The following FAM193A variants were observed in gnomAD, a reference collection of about 807,000 sequenced individuals.
FAM193A encodes the protein family with sequence similarity 193 member A.
A neutral mutation model predicts 126.5 loss-of-function variants in FAM193A; 22 were observed. The observed-to-expected ratio is 0.17, with a 90% confidence interval of 0.12 to 0.25. FAM193A has a LOEUF of 0.25. FAM193A is among the 10% of genes least tolerant of loss of function. The pLI is 1.00. For missense variants in FAM193A, 1,675 were observed against 1,672.8 expected (o/e 1.00, Z -0.02); for synonymous variants, 761 against 646.8 (o/e 1.18, Z -2.68).
rs147408657 is a variant in FAM193A, at chr4:2,639,927, C to T, written c.1163+68C>T. On this transcript the variant is annotated intron_variant, in intron 6 of 20. Transcript: ENST00000637812. Reference sequence around the variant, plus strand: ...ACAGTCTTTTCTCCTGACTGGTGTGCGTGTACCCGAGTACCACTGAGTATG... The same window carrying T: ...ACAGTCTTTTCTCCTGACTGGTGTGTGTGTACCCGAGTACCACTGAGTATG... 288 of 1,481,150 alleles carry T rather than the reference C, an allele frequency of 1.9e-4. No individual in the cohort carries two copies. The East Asian group carries it at 4.8e-3, about 25-fold the overall frequency. The allele number at this position is 1,481,150 out of a possible 1,614,324, so 91.8% of individuals were successfully genotyped here. A position where few individuals can be genotyped will look rare whatever the true frequency, so the allele number is the denominator to read the frequency against.
intron 18 of FAM193A, among the ~76,000 whole-genome samples, chr4:2,698,055 G>A (rs960411183): frequency 3.3e-5 from 5 of 152,186 alleles, no homozygotes; most frequent in Admixed American, 6.5e-5. Context: ...CCACCTCGAG[G>A]GACCACCTCC....
intron 2 of FAM193A, among the ~76,000 whole-genome samples, chr4:2,619,294 T>C (rs1355885961): frequency 6.6e-6 from 1 of 151,956 alleles, no homozygotes; most frequent in Non-Finnish European, 1.5e-5. Context: ...GGGAGATCTG[T>C]TTCTTTTTTT....
intron 19 of FAM193A, among the ~76,000 whole-genome samples, chr4:2,709,787 A>C (rs916384158): frequency 1.3e-5 from 2 of 152,162 alleles, no homozygotes; most frequent in African/African-American, 4.8e-5. Flanking sequence ...TCACATTGGG[A>C]CCATCCAGGC....
chr4:2,625,920 C>T (rs1742918883), intron 3 of FAM193A, among the ~76,000 whole-genome samples: 1 of 151,944 alleles, frequency 6.6e-6, no homozygotes, highest in Admixed American at 6.6e-5. Context: ...GATGGGGCTT[C>T]GCCATGTTGC....
Position 2,689,689 on chromosome 4 carries a change from C to G in FAM193A, c.2515C>G (p.Pro839Ala). ...DKNWNPGTFL[P>A]DTISGSEILG... ...GAACTGGAATCCTGGCACTTTCTTG[C>G]CAGATACAATTTCTGGTAAGGAATT... Residue 839 changes from proline (P) to alanine (A), a missense_variant, in exon 14 of 21, where the codon CCA (proline) becomes GCA (alanine). By Grantham distance (27) the Pro-to-Ala change is conservative (BLOSUM62 -1). Around this residue, in one of 4 missense-constraint regions of FAM193A, gnomAD observed 1,186 missense variants for 1,109.2 expected, o/e 1.07. Coordinates refer to ENST00000637812, the MANE Select transcript of FAM193A (RefSeq NM_001366318.2). The G allele has an allele frequency of 4.5e-6, 7 of 1,568,632 alleles. No homozygotes were observed. Among genetic ancestry groups the G allele is most frequent in the South Asian group, 2.4e-5 (2 of 82,648 alleles).
chr4:2,704,422 G>A (rs558251273), intron 19 of FAM193A, among the ~76,000 whole-genome samples: 42 of 151,928 alleles, frequency 2.8e-4, no homozygotes, highest in Admixed American at 1.6e-3. Context: ...AAAATTAGTC[G>A]GGTGTGGTGG....
intron 1 of FAM193A, among the ~76,000 whole-genome samples, chr4:2,542,933 C>CA (rs1737320103): frequency 6.6e-6 from 1 of 152,052 alleles, no homozygotes; most frequent in Admixed American, 6.6e-5. Context: ...GTAGCTTCAA[C>CA]AAAGGAGGAG....
Position 2,672,236 on chromosome 4 carries a change from C to G in FAM193A, c.2195C>G (p.Pro732Arg), listed in dbSNP as rs146511820. The G allele has an allele frequency of 6.2e-7, 1 of 1,614,210 alleles. No homozygotes were observed. Among genetic ancestry groups the G allele is most frequent in the Non-Finnish European group, 8.5e-7 (1 of 1,180,048 alleles). The change falls in exon 13 of 21, where the codon CCA becomes CGA. Residue 732 changes from proline (P) to arginine (R), a missense_variant. By Grantham distance (103) the Pro-to-Arg change is moderately radical. This residue lies in a region of FAM193A where 1,186 missense variants were observed against 1,109.2 expected (regional missense o/e 1.07). Coordinates refer to ENST00000637812, the MANE Select transcript of FAM193A (RefSeq NM_001366318.2). The part of the protein sequence containing the change: ...ALPPGHQFLS[P>R]EKPTHPALHL... The stretch of plus-strand genomic sequence containing the variant: ...CCTCCTGGCCATCAGTTCTTGAGCC[C>G]AGAGAAGCCCACACACCCTGCACTG...
At chr4:2,682,162 A>G (rs887642973) in intron 13 of FAM193A, among the ~76,000 whole-genome samples, 6 of 150,898 alleles carry the variant, frequency 4.0e-5, no homozygotes, top group Non-Finnish European at 8.9e-5. Context: ...TTTTTTGTAT[A>G]TTTAGTAAAG....
chr4:2,660,002 A>G lies in FAM193A; in HGVS notation c.1693A>G (p.Ile565Val), dbSNP rs1480116273. The part of the protein sequence containing the change: ...SGSGSSSPIT[I>V]QQHPRLILTD... ...GTCCGGCTCCAGCTCTCCCATCACA[A>G]TTCAGCAGCACCCCAGGCTCATCCT... The change falls in exon 10 of 21, where the codon ATT (isoleucine) becomes GTT (valine). Residue 565 changes from isoleucine (I) to valine (V), a missense_variant. Ile to Val is a conservative substitution (Grantham distance 29). Transcript: ENST00000637812. 3.7e-6 allele frequency: 6 copies of G among 1,613,984 alleles called. No individual in the cohort carries two copies. Among genetic ancestry groups the G allele is most frequent in the Non-Finnish European group, 5.1e-6 (6 of 1,180,032 alleles).
At chr4:2,690,253 A>G (rs1326428455) in intron 14 of FAM193A, among the ~76,000 whole-genome samples, 1 of 151,400 alleles carries the variant, frequency 6.6e-6, no homozygotes, top group Admixed American at 6.6e-5. Context: ...GCTGGTACCT[A>G]CTCCTCATCT....
intron 1 of FAM193A, among the ~76,000 whole-genome samples, chr4:2,541,247 G>T (rs1212287599): frequency 1.3e-5 from 2 of 151,686 alleles, no homozygotes; most frequent in Non-Finnish European, 2.9e-5. Context: ...CAGGAGAATT[G>T]CTTGAACCTG....
intron 2 of FAM193A, among the ~76,000 whole-genome samples, chr4:2,607,681 G>C (rs895681055): frequency 1.3e-5 from 2 of 152,168 alleles, no homozygotes. Context: ...AATTATCAAT[G>C]ATATGTTCAG....
chr4:2,608,843 T>G (rs193185803), intron 2 of FAM193A, among the ~76,000 whole-genome samples: 24 of 152,148 alleles, frequency 1.6e-4, no homozygotes, highest in African/African-American at 5.5e-4. Flanking sequence ...TGGTTTCAGC[T>G]AATCATCGAT....
intron 16 of FAM193A, among the ~76,000 whole-genome samples, chr4:2,694,405 A>G (rs530060797): frequency 6.6e-6 from 1 of 151,962 alleles, no homozygotes; most frequent in Admixed American, 6.6e-5. Context: ...AAGTAGTGAG[A>G]CTACAGGCAT....
At chr4:2,582,821 C>G (rs1232113770) in intron 1 of FAM193A, among the ~76,000 whole-genome samples, 3 of 151,988 alleles carry the variant, frequency 2.0e-5, no homozygotes, top group Non-Finnish European at 4.4e-5. Flanking sequence ...CTTAAGTCTT[C>G]TTTCTTTGTT....
chr4:2,603,623 AT>A (rs1011975912), intron 2 of FAM193A, among the ~76,000 whole-genome samples: 4 of 145,904 alleles, frequency 2.7e-5, no homozygotes, highest in Admixed American at 6.8e-5. Flanking sequence ...CGCCTGACTA[AT>A]TTTTTTTTGT....
intron 2 of FAM193A, among the ~76,000 whole-genome samples, chr4:2,599,315 C>A: frequency 6.6e-6 from 1 of 152,004 alleles, no homozygotes; most frequent in Non-Finnish European, 1.5e-5. Context: ...GGAGGGGCTG[C>A]TGCACTTTGT....
chr4:2,588,142 C>G (rs1201144051), intron 1 of FAM193A, among the ~76,000 whole-genome samples: 3 of 152,180 alleles, frequency 2.0e-5, no homozygotes, highest in African/African-American at 7.2e-5. Context: ...GAGTCCATGT[C>G]CCTGTTCTTC....
Sources: gnomAD v4.1 joint callset for allele counts (sites outside exome capture counted in the v4.1 genomes callset) on GRCh38, gnomAD v4.1.1 for gene constraint, gnomAD v4.1.1 regional missense constraint, MANE v1.5 for transcripts, NCBI Gene and HGNC (gene_info 2026-07-23, HGNC 2026-07-21) for gene names.